Variants in KLRD1 observed in about 807,000 individuals in gnomAD.
KLRD1 encodes killer cell lectin like receptor D1.
Under a neutral mutation model 22.6 loss-of-function variants are expected in KLRD1, and 21 were observed. The ratio of observed to expected loss-of-function variants is 0.93; its 90% CI spans 0.66 to 1.34. The LOEUF (loss-of-function observed/expected upper bound fraction) is 1.34. KLRD1 is among the 40% of genes most tolerant of loss of function. The probability of loss-of-function intolerance (pLI) is 0.00; values close to 1 mark genes in which losing one functional copy is unlikely to be tolerated. For synonymous variants in KLRD1, 59 were observed against 71.1 expected (o/e 0.83, Z 0.85); for missense variants, 183 against 208.6 (o/e 0.88, Z 0.76).
intron 1 of KLRD1, among the ~76,000 whole-genome samples, chr12:10,295,037 C>T (rs952401417): frequency 3.3e-5 from 5 of 152,090 alleles, no homozygotes; most frequent in Admixed American, 6.5e-5. Flanking sequence ...TTCTATTTCT[C>T]GACTTGGATG....
Position 10,322,999 on chromosome 12 carries a change from A to G in KLRD1, c.*8206A>G, listed in dbSNP as rs1950325040. 6.6e-6 allele frequency: 1 copy of G among 152,230 alleles called. No individual in the cohort carries two copies. Among genetic ancestry groups the G allele is most frequent in the Non-Finnish European group, 1.5e-5 (1 of 68,042 alleles). 9.4% of individuals were successfully genotyped at this position (152,230 alleles called of 1,614,324 possible). ...TACATCCATATATTCGTGCAGCAGT[A>G]GCTCCTCACTTTTATTGTCATGTAG... On this transcript the variant is annotated 3_prime_UTR_variant, in exon 6 of 6. Transcript: ENST00000336164.
At chr12:10,291,845 A>G (rs1342028056) in intron 1 of KLRD1, among the ~76,000 whole-genome samples, 3 of 151,896 alleles carry the variant, frequency 2.0e-5, no homozygotes, top group East Asian at 1.9e-4. Context: ...CCCTGTGTCC[A>G]TGTGTTCTCA....
chr12:10,256,672 A>C (rs1949399528), intron 1 of KLRD1, among the ~76,000 whole-genome samples: 1 of 151,958 alleles, frequency 6.6e-6, no homozygotes, highest in Admixed American at 6.6e-5. Flanking sequence ...ATTAACATAG[A>C]TTTATTATTA....
chr12:10,247,064 C>G (rs1229669747), intron 1 of KLRD1, among the ~76,000 whole-genome samples: 1 of 151,726 alleles, frequency 6.6e-6, no homozygotes, highest in East Asian at 1.9e-4. Context: ...TCTCGAGTAG[C>G]TTGGATTACA....
rs773832301 is a variant in KLRD1, at chr12:10,322,364, G to GACT, written c.*7572_*7573insCTA. On this transcript the variant is annotated 3_prime_UTR_variant, in exon 6 of 6. Coordinates refer to ENST00000336164, the MANE Select transcript of KLRD1 (RefSeq NM_002262.5). ...GTCTGGCCAAATAGAGGACATTTTA[G>GACT]AGCCCAATAGTAAGCTAGGATTATA... is the stretch of plus-strand genomic sequence containing the variant. 4 of 151,980 alleles carry GACT rather than the reference G, an allele frequency of 2.6e-5. No individual in the cohort carries two copies. Among genetic ancestry groups the GACT allele is most frequent in the African/African-American group, 4.8e-5 (2 of 41,452 alleles). The allele number at this position is 151,980 out of a possible 1,614,324, so 9.4% of individuals were successfully genotyped here.
chr12:10,239,120 A>T (rs1226186820), intron 1 of KLRD1, among the ~76,000 whole-genome samples: 2 of 152,224 alleles, frequency 1.3e-5, no homozygotes, highest in Non-Finnish European at 2.9e-5. Flanking sequence ...TTTTAGCTTA[A>T]TTTAACAAAA....
At chr12:10,271,636 T>C (rs535098697) in intron 1 of KLRD1, among the ~76,000 whole-genome samples, 1 of 152,182 alleles carries the variant, frequency 6.6e-6, no homozygotes, top group Non-Finnish European at 1.5e-5. Flanking sequence ...CTTTGAGGTC[T>C]GAGTATATTA....
At chr12:10,240,619 A>G (rs1205994898) in intron 1 of KLRD1, among the ~76,000 whole-genome samples, 3 of 152,068 alleles carry the variant, frequency 2.0e-5, no homozygotes, top group Non-Finnish European at 2.9e-5. Flanking sequence ...TCACTCCCCA[A>G]TCAAGGTGAG....
Position 10,311,514 on chromosome 12 carries a change from T to C in KLRD1, c.214T>C (p.Cys72Arg), listed in dbSNP as rs1397002512. ...QEKWVGYRCN[C>R]YFISSEQKTW... ...AAAATGGGTTGGGTACCGGTGCAAC[T>C]GTTACTTCATTTCCAGTGAACAGAA... is the stretch of plus-strand genomic sequence containing the variant. Residue 72 changes from cysteine to arginine, a missense_variant, in exon 4 of 6, where the codon TGT (cysteine) becomes CGT (arginine). Cys to Arg is a radical substitution (Grantham distance 180). Transcript: ENST00000336164. The C allele has an allele frequency of 1.2e-6, 2 of 1,613,892 alleles. No homozygotes were observed. The highest frequency in any genetic ancestry group is 1.7e-6 in the Non-Finnish European group (2 of 1,179,882).
chr12:10,257,489 T>C (rs1310938949), intron 1 of KLRD1, among the ~76,000 whole-genome samples: 3 of 148,374 alleles, frequency 2.0e-5, no homozygotes, highest in Admixed American at 6.7e-5. Context: ...ATTCTTTTTT[T>C]TTTTTTTTTT....
chr12:10,249,695 A>G (rs1302632317), intron 1 of KLRD1, among the ~76,000 whole-genome samples: 1 of 152,240 alleles, frequency 6.6e-6, no homozygotes, highest in Non-Finnish European at 1.5e-5. Context: ...AAAAAAGAGT[A>G]AGAAATTATT....
chr12:10,287,248 G>T (rs1312574636), intron 1 of KLRD1, among the ~76,000 whole-genome samples: 2 of 152,106 alleles, frequency 1.3e-5, no homozygotes, highest in African/African-American at 4.8e-5. Flanking sequence ...TGCATTGTAA[G>T]GCACAGGTTT....
intron 1 of KLRD1, among the ~76,000 whole-genome samples, chr12:10,268,791 C>T (rs1949522983): frequency 6.6e-6 from 1 of 152,118 alleles, no homozygotes; most frequent in Non-Finnish European, 1.5e-5. Flanking sequence ...ATAATATTTG[C>T]TGAAGGCTCT....
chr12:10,268,416 A>C (rs1431348005), intron 1 of KLRD1, among the ~76,000 whole-genome samples: 1 of 152,228 alleles, frequency 6.6e-6, no homozygotes, highest in Non-Finnish European at 1.5e-5. Context: ...GTTTTTAAAG[A>C]TATCTAAGAA....
chr12:10,313,459 G>A lies in KLRD1; in HGVS notation c.365G>A (p.Ser122Asn). 1 of 1,609,342 alleles carries A rather than the reference G, an allele frequency of 6.2e-7. No homozygotes were observed. The change falls in exon 5 of 6, where the codon AGT becomes AAT. Residue 122 changes from serine to asparagine, a missense_variant. Transcript: ENST00000336164. ...QQFYWIGLSY[S>N]EEHTAWLWEN... Reference sequence around the variant, plus strand: ...TTTTACTGGATTGGACTCTCTTACAGTGAGGAGCACACCGCCTGGTTGTGG... The same window carrying A: ...TTTTACTGGATTGGACTCTCTTACAATGAGGAGCACACCGCCTGGTTGTGG...
chr12:10,248,908 T>C (rs1949320001), intron 1 of KLRD1, among the ~76,000 whole-genome samples: 2 of 152,160 alleles, frequency 1.3e-5, no homozygotes, highest in African/African-American at 4.8e-5. Flanking sequence ...ATAAGTATAC[T>C]TTCCGCTTGA....
chr12:10,254,792 C>A (rs569120518), intron 1 of KLRD1, among the ~76,000 whole-genome samples: 1 of 151,896 alleles, frequency 6.6e-6, no homozygotes, highest in South Asian at 2.1e-4. Context: ...ACTCTGGAGG[C>A]TGAGGCAGGA....
chr12:10,264,761 G>T (rs1177678231), intron 1 of KLRD1, among the ~76,000 whole-genome samples: 1 of 151,144 alleles, frequency 6.6e-6, no homozygotes, highest in Non-Finnish European at 1.5e-5. Context: ...ATACATTATT[G>T]TTAACCATAA....
At position 10,317,489 on chromosome 12, in the gene KLRD1, C is replaced by T. The variant is rs1032270492; in HGVS notation, c.*2696C>T. The T allele has an allele frequency of 1.3e-5, 2 of 152,216 alleles. No homozygotes were observed. The highest frequency in any genetic ancestry group is 4.8e-5 in the African/African-American group (2 of 41,450). 9.4% of individuals were successfully genotyped at this position (152,216 alleles called of 1,614,324 possible). On this transcript the variant is annotated 3_prime_UTR_variant, in exon 6 of 6. Coordinates refer to ENST00000336164, the MANE Select transcript of KLRD1 (RefSeq NM_002262.5). ...CACCGCAACCTTGGCATTATCAGTA[C>T]TGGACAAAGCCCTCTGCAGCATACA...
Sources: gnomAD v4.1 joint callset for allele counts (sites outside exome capture counted in the v4.1 genomes callset) on GRCh38, gnomAD v4.1.1 for gene constraint, MANE v1.5 for transcripts, NCBI Gene and HGNC (gene_info 2026-07-23, HGNC 2026-07-21) for gene names.